The following SUZ12 variants were observed in gnomAD, a reference collection of about 807,000 sequenced individuals.
The protein encoded by SUZ12 is SUZ12 polycomb repressive complex 2 subunit, also known as polycomb protein SUZ12.
In SUZ12, 17 loss-of-function variants were observed where a neutral mutation model predicts 87.3. The ratio of observed to expected loss-of-function variants is 0.19; its 90% confidence interval spans 0.13 to 0.29. The LOEUF (loss-of-function observed/expected upper bound fraction) is 0.29. SUZ12 is among the 10% of genes least tolerant of loss of function. SUZ12 has a pLI of 1.00. For missense variants in SUZ12, 526 were observed against 912.2 expected, an observed-to-expected ratio of 0.58 and a Z score of 5.45; for synonymous variants, 253 against 312.4, an observed-to-expected ratio of 0.81 and a Z score of 2.01.
chr17:31,948,096 C>T (rs1906738981), intron 4 of SUZ12, among the ~76,000 whole-genome samples: 1 of 151,954 alleles, frequency 6.6e-6, no homozygotes, highest in Admixed American at 6.6e-5. Context: ...GAGGGGTTCT[C>T]TTTTTTTTCC....
intron 3 of SUZ12, among the ~76,000 whole-genome samples, chr17:31,941,781 C>T (rs1040582877): frequency 9.9e-5 from 15 of 151,770 alleles, no homozygotes; most frequent in Non-Finnish European, 1.0e-4. Flanking sequence ...GATCTCCTGA[C>T]GTCAGGATCC....
Position 31,937,065 on chromosome 17 carries a change from A to G in SUZ12, c.-182A>G, listed in dbSNP as rs918050637. The G allele has an allele frequency of 1.8e-5, 9 of 501,874 alleles. No homozygotes were observed. Among genetic ancestry groups the G allele is most frequent in the East Asian group, 7.2e-5 (2 of 27,968 alleles). The allele number at this position is 501,874 out of a possible 1,614,324, so 31.1% of individuals were successfully genotyped here. On this transcript the variant is annotated 5_prime_UTR_variant, in exon 1 of 16. Coordinates refer to ENST00000322652, the MANE Select transcript of SUZ12 (RefSeq NM_015355.4). ...AAGCGGAGCGGGGCTCTGAGGAGAC[A>G]CTTTTTTTTTCCTCCCTCCTTCCCT...
chr17:31,939,033 T>C (rs1051327253), intron 1 of SUZ12, among the ~76,000 whole-genome samples: 2 of 152,218 alleles, frequency 1.3e-5, no homozygotes, highest in African/African-American at 2.4e-5. Flanking sequence ...GTAACTGATA[T>C]AATAGTATAT....
chr17:31,980,723 C>T (rs754052193), intron 8 of SUZ12, among the ~76,000 whole-genome samples: 4 of 150,398 alleles, frequency 2.7e-5, no homozygotes, highest in South Asian at 2.1e-4. Flanking sequence ...GTTGGGATTA[C>T]GGGCATGAGC....
chr17:31,986,544 T>TTTTTGTTTTGTTTTG lies in SUZ12; in HGVS notation c.1024-1766_1024-1752dup, dbSNP rs370809527. 8.7e-3 allele frequency among the ~76,000 whole-genome samples: 1,314 copies of TTTTTGTTTTGTTTTG among 150,648 alleles called. 15 individuals are homozygous for TTTTTGTTTTGTTTTG. The highest frequency in any genetic ancestry group is 0.03 in the African/African-American group (1,239 of 40,956). The stretch of plus-strand genomic sequence containing the variant: ...TTTACTACATTCTAGTCTAAGTAGT[T>TTTTTGTTTTGTTTTG]TTTTGTTTTGTTTTGTTTTGTTTTT... On this transcript the variant is annotated intron_variant, in intron 9 of 15. Coordinates refer to ENST00000322652, the MANE Select transcript of SUZ12 (RefSeq NM_015355.4).
Position 31,994,581 on chromosome 17 carries a change from T to C in SUZ12, c.1455T>C (p.Ala485=), listed in dbSNP as rs1222435925. 2 of 1,612,570 alleles carry C rather than the reference T, an allele frequency of 1.2e-6. No individual in the cohort carries two copies. Among genetic ancestry groups the C allele is most frequent in the South Asian group, 1.1e-5 (1 of 90,730 alleles). Reference sequence around the variant, plus strand: ...TGTTGCAGTATCATCCAAAAGGTGCTAGGATAGATGTTTCTATCAATGAGT... The same window carrying C: ...TGTTGCAGTATCATCCAAAAGGTGCCAGGATAGATGTTTCTATCAATGAGT... ...IFNYVYHPKG[A]RIDVSINECY... Residue 485 remains alanine (A), a synonymous_variant, in exon 13 of 16, where the codon GCT becomes GCC. Coordinates refer to ENST00000322652, the MANE Select transcript of SUZ12 (RefSeq NM_015355.4).
At chr17:31,959,388 GTAAT>G (rs1333367909) in intron 4 of SUZ12, among the ~76,000 whole-genome samples, 1 of 152,094 alleles carries the variant, frequency 6.6e-6, no homozygotes, top group Admixed American at 6.6e-5. Context: ...TGATCCATTT[GTAAT>G]TAATAGACAC....
chr17:31,946,377 C>CA (rs1190299030), intron 3 of SUZ12, among the ~76,000 whole-genome samples: 2 of 151,974 alleles, frequency 1.3e-5, no homozygotes, highest in African/African-American at 4.8e-5. Flanking sequence ...CTACAAAATG[C>CA]AAAAATTAGC....
At chr17:31,940,967 G>A (rs1353454597) in intron 3 of SUZ12, among the ~76,000 whole-genome samples, 4 of 151,402 alleles carry the variant, frequency 2.6e-5, no homozygotes, top group South Asian at 2.1e-4. Flanking sequence ...CCGAGATTGC[G>A]CCGTTGCACT....
intron 8 of SUZ12, among the ~76,000 whole-genome samples, chr17:31,977,470 G>A (rs894437637): frequency 2.0e-5 from 3 of 151,976 alleles, no homozygotes; most frequent in South Asian, 2.1e-4. Context: ...CAGTAGAGAC[G>A]GGTTTCACCG....
chr17:31,945,256 C>G (rs1388254175), intron 3 of SUZ12, among the ~76,000 whole-genome samples: 1 of 152,076 alleles, frequency 6.6e-6, no homozygotes, highest in African/African-American at 2.4e-5. Context: ...GTTTTCAGAA[C>G]TCGTTTTTTA....
intron 4 of SUZ12, among the ~76,000 whole-genome samples, chr17:31,949,660 G>GCCCCCCCCCCCCCC (rs796561870): frequency 3.7e-4 from 2 of 5,366 alleles, no homozygotes; most frequent in South Asian, 0.029. Flanking sequence ...ACCACACCCA[G>GCCCCCCCCCCCCCC]CCCCCCCCCC....
chr17:31,972,958 C>G (rs563608408), intron 5 of SUZ12, among the ~76,000 whole-genome samples, 188 bp from the exon 6 acceptor site: 4 of 150,568 alleles, frequency 2.7e-5, no homozygotes, highest in African/African-American at 9.8e-5. Context: ...TTTATTTACA[C>G]TATATATAAA....
chr17:31,990,689 A>G (rs934450482), intron 10 of SUZ12, among the ~76,000 whole-genome samples: 1 of 151,910 alleles, frequency 6.6e-6, no homozygotes, highest in Admixed American at 6.6e-5. Flanking sequence ...AAAAACATTT[A>G]CAAATAGAGT....
chr17:31,948,126 AATCT>A (rs1906741728), intron 4 of SUZ12, among the ~76,000 whole-genome samples: 1 of 152,100 alleles, frequency 6.6e-6, no homozygotes, highest in Admixed American at 6.6e-5. Flanking sequence ...TTCTCATTTA[AATCT>A]ATCAGGCAAC....
intron 5 of SUZ12, chr17:31,967,033 T>C (rs1370576872): frequency 6.6e-6 from 1 of 151,976 alleles, no homozygotes; most frequent in Non-Finnish European, 1.5e-5. Context: ...ACCCCATCTC[T>C]ACTAAAAATA....
chr17:31,967,688 T>G (rs1908179745), intron 5 of SUZ12: 1 of 152,404 alleles, frequency 6.6e-6, no homozygotes, highest in African/African-American at 2.4e-5. Context: ...AAGACCAGCC[T>G]GGGCAACACA....
intron 4 of SUZ12, among the ~76,000 whole-genome samples, chr17:31,958,361 T>C (rs1466989494): frequency 6.6e-6 from 1 of 152,204 alleles, no homozygotes; most frequent in Non-Finnish European, 1.5e-5. Context: ...AAGAGAACTA[T>C]TGTATTAATG....
intron 5 of SUZ12, among the ~76,000 whole-genome samples, chr17:31,971,702 T>G (rs940797056): frequency 4.6e-5 from 7 of 152,240 alleles, no homozygotes; most frequent in African/African-American, 1.4e-4. Flanking sequence ...AGTGCTGCGA[T>G]TATAGGCGTG....
Sources: allele counts gnomAD v4.1 joint callset (sites outside exome capture counted in the v4.1 genomes callset), GRCh38; gene constraint gnomAD v4.1.1; transcripts MANE v1.5; gene names NCBI Gene and HGNC (gene_info 2026-07-23, HGNC 2026-07-21).